ERBB4: variants seen among roughly 807,000 people sequenced by gnomAD.
ERBB4 encodes receptor tyrosine-protein kinase erbB-4.
ERBB4 carries 42 observed loss-of-function variants against 158.0 expected under a neutral mutation model. The ratio of observed to expected loss-of-function variants is 0.27; its 90% CI spans 0.21 to 0.34. The LOEUF (loss-of-function observed/expected upper bound fraction) is 0.34, where lower values mean the gene tolerates loss of function less well. ERBB4 is among the 10% of genes least tolerant of loss of function. The probability of loss-of-function intolerance (pLI) is 1.00; values close to 1 mark genes in which losing one functional copy is unlikely to be tolerated. For synonymous variants in ERBB4, 583 were observed against 558.7 expected, an observed-to-expected ratio of 1.04 and a Z score of -0.61; for missense variants, 1,333 against 1,624.1, an observed-to-expected ratio of 0.82 and a Z score of 3.08.
At chr2:212,211,722 TC>T (rs2082941417) in intron 1 of ERBB4, among the ~76,000 whole-genome samples, 1 of 151,670 alleles carries the variant, frequency 6.6e-6, no homozygotes, top group Non-Finnish European at 1.5e-5. Flanking sequence ...CTAAGTTCCC[TC>T]CCCTCCCCAC....
chr2:211,950,595 A>G (rs1053235150), intron 2 of ERBB4, among the ~76,000 whole-genome samples: 2 of 152,164 alleles, frequency 1.3e-5, no homozygotes, highest in African/African-American at 4.8e-5. Flanking sequence ...CTTAGGAATA[A>G]GCATGCTACA....
chr2:212,134,798 C>T (rs994970542), intron 1 of ERBB4, among the ~76,000 whole-genome samples: 16 of 151,182 alleles, frequency 1.1e-4, no homozygotes, highest in Admixed American at 9.9e-4. Context: ...ATTCTCCTGC[C>T]TCAGCCTCCC....
At chr2:211,936,788 CA>C (rs2080336106) in intron 3 of ERBB4, among the ~76,000 whole-genome samples, 1 of 151,966 alleles carries the variant, frequency 6.6e-6, no homozygotes, top group African/African-American at 2.4e-5. Flanking sequence ...AACTAGATCT[CA>C]AAAGAAAACA....
intron 4 of ERBB4, among the ~76,000 whole-genome samples, chr2:211,757,277 C>G (rs1488067741): frequency 6.6e-6 from 1 of 152,136 alleles, no homozygotes; most frequent in African/African-American, 2.4e-5. Flanking sequence ...GAAACTTTAA[C>G]TTTCATACAT....
chr2:211,508,917 G>A (rs764008969), intron 20 of ERBB4, among the ~76,000 whole-genome samples: 4 of 150,924 alleles, frequency 2.7e-5, no homozygotes, highest in Admixed American at 6.6e-5. Flanking sequence ...GTGACAGAGC[G>A]AGACTGTCTC....
intron 2 of ERBB4, among the ~76,000 whole-genome samples, chr2:212,058,668 A>C (rs954413307): frequency 3.3e-5 from 5 of 152,222 alleles, no homozygotes; most frequent in African/African-American, 1.2e-4. Flanking sequence ...TACAGCATAT[A>C]AAAAGAACTA....
chr2:212,299,188 A>AT (rs2086528849), intron 1 of ERBB4, among the ~76,000 whole-genome samples: 1 of 151,668 alleles, frequency 6.6e-6, no homozygotes, highest in Non-Finnish European at 1.5e-5. Context: ...ATGACTAACA[A>AT]ATCAGACCAA....
chr2:212,046,042 C>G (rs929855394), intron 2 of ERBB4, among the ~76,000 whole-genome samples: 7 of 152,102 alleles, frequency 4.6e-5, no homozygotes, highest in African/African-American at 1.2e-4. Flanking sequence ...CATGATCCAC[C>G]ATTTGCCTCT....
At chr2:212,075,303 C>T (rs567899286) in intron 2 of ERBB4, among the ~76,000 whole-genome samples, 6 of 151,602 alleles carry the variant, frequency 4.0e-5, no homozygotes, top group African/African-American at 1.5e-4. Flanking sequence ...AGGAATTTTA[C>T]ATGAAATAAT....
intron 1 of ERBB4, among the ~76,000 whole-genome samples, chr2:212,509,906 G>T (rs377430508): frequency 6.6e-6 from 1 of 151,620 alleles, no homozygotes; most frequent in African/African-American, 2.4e-5. Flanking sequence ...TAAATTTGTA[G>T]TCTTCAGACT....
At chr2:212,516,535 C>T (rs1473383200) in intron 1 of ERBB4, among the ~76,000 whole-genome samples, 1 of 152,000 alleles carries the variant, frequency 6.6e-6, no homozygotes, top group Admixed American at 6.6e-5. Flanking sequence ...AAAAGATGAT[C>T]ATATAAGAGC....
rs570606989 is a variant in ERBB4 at position 211,934,449 on chromosome 2, A to G, written c.421+12981T>C. ...TTAACTATAAAATCACCCTTCTAAT[A>G]TCTTCCTTTAATAAGATAAAATATG... On this transcript the variant is annotated intron_variant, in intron 3 of 27. Transcript: ENST00000342788. 4.0e-4 allele frequency among the ~76,000 whole-genome samples: 61 copies of G among 152,092 alleles called. No homozygotes were observed. The East Asian group carries it at 6.2e-3, about 15-fold the overall frequency.
At chr2:212,422,962 CCA>C (rs1168028198) in intron 1 of ERBB4, among the ~76,000 whole-genome samples, 4 of 151,988 alleles carry the variant, frequency 2.6e-5, no homozygotes, top group Non-Finnish European at 5.9e-5. Flanking sequence ...ATGTGAAATA[CCA>C]CAGAGTACAA....
chr2:211,781,231 TATTA>T (rs779891124), intron 4 of ERBB4, among the ~76,000 whole-genome samples: 6 of 152,150 alleles, frequency 3.9e-5, no homozygotes, highest in African/African-American at 7.2e-5. Flanking sequence ...CAAAGTGCAA[TATTA>T]ATTAGGAGTG....
chr2:212,408,127 G>A (rs957172265), intron 1 of ERBB4, among the ~76,000 whole-genome samples: 1 of 151,468 alleles, frequency 6.6e-6, no homozygotes, highest in African/African-American at 2.4e-5. Context: ...TGCAAGATGT[G>A]CAGGTTTGTT....
At chr2:212,337,655 A>G (rs2088508243) in intron 1 of ERBB4, among the ~76,000 whole-genome samples, 1 of 152,030 alleles carries the variant, frequency 6.6e-6, no homozygotes, top group South Asian at 2.1e-4. Flanking sequence ...TTTGGCAAAT[A>G]CCTCTCGCAT....
At chr2:211,693,008 C>T (rs2072878466) in intron 12 of ERBB4, among the ~76,000 whole-genome samples, 1 of 152,248 alleles carries the variant, frequency 6.6e-6, no homozygotes, top group East Asian at 1.9e-4. Flanking sequence ...AAACATACCC[C>T]TTCCCCATGT....
At chr2:212,247,370 T>G (rs1191623444) in intron 1 of ERBB4, among the ~76,000 whole-genome samples, 2 of 152,232 alleles carry the variant, frequency 1.3e-5, no homozygotes, top group East Asian at 1.9e-4. Flanking sequence ...AAAAAATTAC[T>G]GCTTTATGAG....
rs111695175 is a variant in ERBB4 at position 211,389,027 on chromosome 2, C to CTTGT, written c.3136-1039_3136-1036dup. 2.6e-3 allele frequency among the ~76,000 whole-genome samples: 397 copies of CTTGT among 152,010 alleles called. 2 individuals carry two copies. The highest frequency in any genetic ancestry group is 7.3e-3 in the African/African-American group (301 of 41,472). On this transcript the variant is annotated intron_variant, in intron 25 of 27. Transcript: ENST00000342788. ...AATAAACCTCTAAGATACCTTACAT[C>CTTGT]TTGTTTGTTTGTTTGTTTGTTTGTT...
Sources: allele counts gnomAD v4.1 joint callset (sites outside exome capture counted in the v4.1 genomes callset), GRCh38; gene constraint gnomAD v4.1.1; transcripts MANE v1.5; gene names NCBI Gene and HGNC (gene_info 2026-07-23, HGNC 2026-07-21).